SCN9A: variants seen among roughly 807,000 people sequenced by gnomAD.
SCN9A encodes sodium channel protein type 9 subunit alpha.
A neutral mutation model predicts 187.0 loss-of-function variants in SCN9A; 131 were observed. The observed-to-expected ratio is 0.70, with a 90% CI of 0.61 to 0.81. The LOEUF (loss-of-function observed/expected upper bound fraction) is 0.81, where lower values mean the gene tolerates loss of function less well. Ranked by LOEUF, SCN9A falls within the 30% of genes least tolerant of loss-of-function variation. The pLI, the probability that SCN9A is intolerant of heterozygous loss-of-function variation, is 0.00. For synonymous variants in SCN9A, 809 were observed against 808.6 expected, an observed-to-expected ratio of 1.00 and a Z score of -0.01; for missense variants, 2,252 against 2,396.6, an observed-to-expected ratio of 0.94 and a Z score of 1.26.
chr2:166,355,513 G>C (rs567586614), intron 1 of SCN9A, among the ~76,000 whole-genome samples: 4 of 151,600 alleles, frequency 2.6e-5, no homozygotes, highest in Non-Finnish European at 5.9e-5. Flanking sequence ...GGGATTGTGT[G>C]TGTGTGTGGG....
At chr2:166,306,628 C>T (rs199987389) in intron 3 of SCN9A, 29 bp from the exon 4 acceptor site, 27 of 1,411,750 alleles carry the variant, frequency 1.9e-5, no homozygotes, top group Middle Eastern at 1.7e-4. Flanking sequence ...ACAAAAGAGA[C>T]GACAGTGGGA....
At chr2:166,288,759 T>C (rs903898941) in intron 9 of SCN9A, 116 bp from the exon 10 acceptor site, 8 of 693,812 alleles carry the variant, frequency 1.2e-5, no homozygotes, top group Non-Finnish European at 1.6e-5. Context: ...TTATCAAAAA[T>C]ATAAAGAGAA....
At chr2:166,263,084 A>T (rs934397744) in intron 17 of SCN9A, among the ~76,000 whole-genome samples, 2 of 151,926 alleles carry the variant, frequency 1.3e-5, no homozygotes, top group Non-Finnish European at 2.9e-5. Flanking sequence ...TCTCCCCTGG[A>T]AAGGTAAAGG....
chr2:166,251,978 A>C, intron 17 of SCN9A, 93 bp from the exon 18 acceptor site: 4 of 1,408,022 alleles, frequency 2.8e-6, no homozygotes, highest in Middle Eastern at 1.8e-4. Context: ...ACTCATGCAA[A>C]GTATTATGAA....
intron 1 of SCN9A, among the ~76,000 whole-genome samples, chr2:166,351,431 A>AGG (rs1700030884): frequency 6.6e-6 from 1 of 152,212 alleles, no homozygotes; most frequent in Non-Finnish European, 1.5e-5. Context: ...TCATGTGGTA[A>AGG]GGTTCTATTG....
At chr2:166,368,257 G>A (rs1299132308) in intron 1 of SCN9A, among the ~76,000 whole-genome samples, 3 of 152,150 alleles carry the variant, frequency 2.0e-5, no homozygotes, top group Admixed American at 6.6e-5. Context: ...TTAAGGAGAC[G>A]TCCATACATA....
In SCN9A at chr2:166,288,481, G is replaced by A. The variant is rs1451414674; in HGVS notation, c.1270C>T (p.Gln424Ter). ...TTTTTAAGACGGTCTAACATCTGTTGAAATTCTAATTCTTTCTGTTTAGCT... is the reference window on the plus strand; with the variant it reads ...TTTTTAAGACGGTCTAACATCTGTTAAAATTCTAATTCTTTCTGTTTAGCT... ...EEAKQKELEF[Q>*]QMLDRLKKEQ... is the part of the protein sequence containing the mutation. Residue 424 changes from glutamine (Q) to a stop codon, truncating the protein, a stop_gained, in exon 10 of 27, where the codon CAA (glutamine) becomes TAA (stop). Coordinates refer to ENST00000642356, the MANE Select transcript of SCN9A (RefSeq NM_001365536.1). LOFTEE classifies it high-confidence loss of function. The A allele has an allele frequency of 6.2e-7, 1 of 1,612,834 alleles. No homozygotes were observed. The highest frequency in any genetic ancestry group is 8.5e-7 in the Non-Finnish European group (1 of 1,179,170).
chr2:166,348,817 C>T (rs1304884744), intron 1 of SCN9A, among the ~76,000 whole-genome samples: 1 of 152,058 alleles, frequency 6.6e-6, no homozygotes, highest in Non-Finnish European at 1.5e-5. Context: ...AAACCTACAA[C>T]TACTTTTCTT....
intron 1 of SCN9A, among the ~76,000 whole-genome samples, chr2:166,343,041 T>C (rs1699822107): frequency 6.6e-6 from 1 of 152,230 alleles, no homozygotes; most frequent in Admixed American, 6.5e-5. Flanking sequence ...TTCTCTTGCA[T>C]AACATCTTTC....
intron 24 of SCN9A, among the ~76,000 whole-genome samples, chr2:166,220,882 A>G (rs906164235): frequency 6.6e-6 from 1 of 152,220 alleles, no homozygotes; most frequent in African/African-American, 2.4e-5. Context: ...TTTACAGATG[A>G]CATTATTTTA....
chr2:166,203,425 A>G (rs949717270), intron 26 of SCN9A, among the ~76,000 whole-genome samples: 2 of 151,972 alleles, frequency 1.3e-5, no homozygotes, highest in Non-Finnish European at 2.9e-5. Flanking sequence ...ACAGACATGA[A>G]CACCATGGCT....
At position 166,375,297 on chromosome 2, in the gene SCN9A, A is replaced by G. The variant is rs550621249; in HGVS notation, c.-51+400T>C. On this transcript the variant is annotated intron_variant, in intron 1 of 26. Transcript: ENST00000642356. ...CAGCTTTGCAGATGGGAAATACAGC[A>G]CATGCTTTTTGCTCGTAAAAAATGT... Among the ~76,000 whole-genome samples, 143 of 152,310 alleles carry G rather than the reference A, an allele frequency of 9.4e-4. 1 individual carries two copies. The highest frequency in any genetic ancestry group is 2.9e-3 in the African/African-American group (122 of 41,568).
In SCN9A at chr2:166,241,127, T is replaced by C. The variant is rs1367755218; in HGVS notation, c.3627+1375A>G. ...ACAGTATCAGATCAACCTATTAGCA[T>C]ATAAGTACAGTAAAATCAAAGTCCA... On this transcript the variant is annotated intron_variant, in intron 19 of 26. Transcript: ENST00000642356. Among the ~76,000 whole-genome samples the C allele has an allele frequency of 4.8e-4, 73 of 152,130 alleles. 1 individual carries two copies. Among genetic ancestry groups the C allele is most frequent in the Admixed American group, 4.8e-3 (73 of 15,258 alleles).
Position 166,363,948 on chromosome 2 carries a change from T to C in SCN9A, c.-51+11749A>G, listed in dbSNP as rs559564579. 4.3e-4 allele frequency among the ~76,000 whole-genome samples: 66 copies of C among 152,064 alleles called. 1 individual carries two copies. The highest frequency in any genetic ancestry group is 8.4e-4 in the Non-Finnish European group (57 of 67,932). On this transcript the variant is annotated intron_variant, in intron 1 of 26. Transcript: ENST00000642356. ...AAATAATTGCAAATCATATATCTGATAAGGGATTAACATTGGCAATATGTA... is the reference window on the plus strand; with the variant it reads ...AAATAATTGCAAATCATATATCTGACAAGGGATTAACATTGGCAATATGTA...
chr2:166,199,812 G>C lies in SCN9A; in HGVS notation c.4827C>G (p.Phe1609Leu), dbSNP rs760606370. Residue 1609 changes from phenylalanine (F) to leucine (L), a missense_variant, in exon 27 of 27, where the codon TTC becomes TTG. Phe to Leu is a conservative substitution (Grantham distance 22). This residue lies in a region of SCN9A where 84 missense variants were observed against 134.2 expected (regional missense o/e 0.63). Transcript: ENST00000642356. ...CAATCCTGGCAAGACGGATCACTCG[G>C]AACAGGGTAGGGGACACAAAATACG... ...IETYFVSPTL[F>L]RVIRLARIGR... 6.2e-7 allele frequency: 1 copy of C among 1,613,866 alleles called. No individual in the cohort carries two copies. The highest frequency in any genetic ancestry group is 1.3e-5 in the African/African-American group (1 of 74,944).
At chr2:166,228,247 CTTT>C (rs33924683) in intron 22 of SCN9A, among the ~76,000 whole-genome samples, 1,814 of 85,714 alleles carry the variant, frequency 0.021, 17 homozygotes, top group African/African-American at 0.058. Flanking sequence ...AAGACCAACA[CTTT>C]TTTTTTTTTT....
At chr2:166,310,209 A>C (rs1402610362) in intron 2 of SCN9A, among the ~76,000 whole-genome samples, 5 of 97,664 alleles carry the variant, frequency 5.1e-5, no homozygotes, top group African/African-American at 2.4e-4. Context: ...TTCATGTCTA[A>C]AACACCAAAA....
chr2:166,247,590 C>T, intron 18 of SCN9A, among the ~76,000 whole-genome samples: 1 of 152,020 alleles, frequency 6.6e-6, no homozygotes, highest in East Asian at 1.9e-4. Flanking sequence ...GATCTCAGCT[C>T]ACTGCAACCT....
chr2:166,270,761 T>TTA (rs1185660432), intron 17 of SCN9A, among the ~76,000 whole-genome samples: 3 of 107,422 alleles, frequency 2.8e-5, no homozygotes, highest in African/African-American at 1.0e-4. Context: ...AGCATTTTAC[T>TTA]GATATATATA....
Sources: allele counts gnomAD v4.1 joint callset (sites outside exome capture counted in the v4.1 genomes callset), GRCh38; gene constraint gnomAD v4.1.1; regional missense constraint gnomAD v4.1.1; transcripts MANE v1.5; gene names NCBI Gene and HGNC (gene_info 2026-07-23, HGNC 2026-07-21).